DCDC2: variants seen among roughly 807,000 people sequenced by gnomAD.
The protein encoded by DCDC2 is doublecortin domain containing 2.
DCDC2 carries 40 observed loss-of-function variants against 50.2 expected under a neutral mutation model. The observed-to-expected ratio is 0.80, with a 90% CI of 0.62 to 1.04. The LOEUF is 1.04. Among genes scored for constraint, DCDC2 ranks in the 50% least tolerant of loss-of-function variants. The pLI is 0.00. For missense variants in DCDC2, 570 were observed against 581.9 expected (o/e 0.98, Z 0.21); for synonymous variants, 234 against 210.6 (o/e 1.11, Z -0.96).
chr6:24,365,338 T>C, the DCDC2 span, among the ~76,000 whole-genome samples: 6 of 152,344 alleles, frequency 3.9e-5, no homozygotes, highest in Non-Finnish European at 7.4e-5. Context: ...GTCACCCAGG[T>C]TGGAGTGCAA....
chr6:24,176,599 C>G (rs1760919620), intron 9 of DCDC2, among the ~76,000 whole-genome samples: 2 of 152,212 alleles, frequency 1.3e-5, no homozygotes, highest in Admixed American at 6.5e-5. Flanking sequence ...CACCTTACCT[C>G]ACATACTTAT....
intron 7 of DCDC2, among the ~76,000 whole-genome samples, chr6:24,244,858 T>A (rs2113794314): frequency 6.6e-6 from 1 of 152,358 alleles, no homozygotes; most frequent in South Asian, 2.1e-4. Flanking sequence ...ACAGACCCTC[T>A]CCTGCTACAA....
chr6:24,276,322 A>T (rs807697), intron 7 of DCDC2, among the ~76,000 whole-genome samples: 84,381 of 151,832 alleles, frequency 0.56, 26,292 homozygotes, highest in East Asian at 0.78. Context: ...AAGACTTTTT[A>T]AAAATATACT....
intron 4 of DCDC2, among the ~76,000 whole-genome samples, chr6:24,295,618 G>C (rs1759212509): frequency 6.6e-6 from 1 of 152,098 alleles, no homozygotes; most frequent in Non-Finnish European, 1.5e-5. Flanking sequence ...AATAACTTCA[G>C]AAAAGTTTCA....
intron 2 of DCDC2, among the ~76,000 whole-genome samples, chr6:24,330,048 G>T (rs1391357264): frequency 6.6e-6 from 1 of 152,142 alleles, no homozygotes; most frequent in African/African-American, 2.4e-5. Context: ...AGTCTTCAGT[G>T]AACCCATTAT....
chr6:24,381,084 G>GA, the DCDC2 span, among the ~76,000 whole-genome samples: 7,914 of 91,534 alleles, frequency 0.086, 639 homozygotes, highest in African/African-American at 0.25. Flanking sequence ...CTTGTCTCAA[G>GA]AAAAAAAAAA....
chr6:24,359,464 C>A (rs1467713987), upstream of DCDC2, among the ~76,000 whole-genome samples: 3 of 13,142 alleles, frequency 2.3e-4, 1 homozygote, highest in Non-Finnish European at 3.6e-4. Context: ...TTTATATATA[C>A]TATATAATAT....
intron 7 of DCDC2, among the ~76,000 whole-genome samples, chr6:24,208,284 A>G (rs1761768322): frequency 6.6e-6 from 1 of 151,490 alleles, no homozygotes; most frequent in Non-Finnish European, 1.5e-5. Flanking sequence ...TCAGCTGTCA[A>G]TGTTTCATGA....
chr6:24,240,773 A>C (rs1036682467), intron 7 of DCDC2, among the ~76,000 whole-genome samples: 1 of 152,220 alleles, frequency 6.6e-6, no homozygotes, highest in Non-Finnish European at 1.5e-5. Context: ...TAAGACAGCA[A>C]ATCAATCCCT....
intron 2 of DCDC2, among the ~76,000 whole-genome samples, chr6:24,303,186 C>T (rs999601989): frequency 6.6e-6 from 1 of 152,024 alleles, no homozygotes; most frequent in African/African-American, 2.4e-5. Flanking sequence ...TCTCTCTCTT[C>T]ATTATTCCTA....
chr6:24,246,121 C>T (rs1011374856), intron 7 of DCDC2, among the ~76,000 whole-genome samples: 1 of 151,954 alleles, frequency 6.6e-6, no homozygotes, highest in African/African-American at 2.4e-5. Flanking sequence ...CCACCGCGCC[C>T]GGCCTGGAGG....
chr6:24,197,655 A>G (rs959017053), intron 8 of DCDC2, among the ~76,000 whole-genome samples: 4 of 152,262 alleles, frequency 2.6e-5, no homozygotes, highest in African/African-American at 9.6e-5. Flanking sequence ...GCTTTTCATC[A>G]GGAAGACGAC....
intron 2 of DCDC2, among the ~76,000 whole-genome samples, chr6:24,316,993 A>G (rs1759681505): frequency 9.0e-6 from 1 of 110,704 alleles, no homozygotes; most frequent in African/African-American, 3.5e-5. Context: ...ATATATATGT[A>G]GAGAGAGAGA....
At chr6:24,267,556 A>G (rs1159108959) in intron 7 of DCDC2, among the ~76,000 whole-genome samples, 1 of 152,224 alleles carries the variant, frequency 6.6e-6, no homozygotes, top group East Asian at 1.9e-4. Flanking sequence ...AATAATGACC[A>G]TTTCTCTAGC....
intron 8 of DCDC2, among the ~76,000 whole-genome samples, chr6:24,198,022 T>TCA (rs976316277): frequency 4.0e-5 from 6 of 151,822 alleles, no homozygotes; most frequent in Admixed American, 1.3e-4. Flanking sequence ...ACGTATATAC[T>TCA]CACACACACA....
At chr6:24,359,555 T>C (rs1760623756), upstream of DCDC2, among the ~76,000 whole-genome samples, 2 of 116,514 alleles carry the variant, frequency 1.7e-5, no homozygotes, top group Non-Finnish European at 3.3e-5. Flanking sequence ...TTATATATAT[T>C]ATATATTTTT....
rs997554815 is a variant in DCDC2 at position 24,173,373 on chromosome 6, G to T, written c.*1357C>A. 1 of 152,030 alleles carries T rather than the reference G, an allele frequency of 6.6e-6. No individual in the cohort carries two copies. Among genetic ancestry groups the T allele is most frequent in the Admixed American group, 6.5e-5 (1 of 15,270 alleles). 9.4% of individuals were successfully genotyped at this position (152,030 alleles called of 1,614,324 possible). On this transcript the variant is annotated 3_prime_UTR_variant, in exon 10 of 10. Transcript: ENST00000378454. ...GGAAGAGAAAAAATGTTTTAAACTT[G>T]TAATTGTGAATTTTAGAAAAGCACT... is the stretch of plus-strand genomic sequence containing the variant.
intron 2 of DCDC2, among the ~76,000 whole-genome samples, chr6:24,324,771 T>A (rs567517175): frequency 7.1e-4 from 108 of 151,990 alleles, no homozygotes; most frequent in African/African-American, 2.3e-3. Flanking sequence ...TAGTTCCAGC[T>A]ACTTGGGAGG....
intron 2 of DCDC2, among the ~76,000 whole-genome samples, chr6:24,328,735 T>A (rs1342365187): frequency 1.3e-5 from 2 of 152,204 alleles, no homozygotes; most frequent in Admixed American, 1.3e-4. Flanking sequence ...TATCATGCAA[T>A]ATTAATTGCA....
Sources: allele counts gnomAD v4.1 joint callset (sites outside exome capture counted in the v4.1 genomes callset), GRCh38; gene constraint gnomAD v4.1.1; transcripts MANE v1.5; gene names NCBI Gene and HGNC (gene_info 2026-07-23, HGNC 2026-07-21).